Variants in TMEM196 observed in about 807,000 individuals in gnomAD.
The protein encoded by TMEM196 is transmembrane protein 196.
TMEM196 carries 17 observed loss-of-function variants against 20.0 expected under a neutral mutation model. That is an observed-to-expected ratio of 0.85 (90% confidence interval 0.58 to 1.27). TMEM196 has a LOEUF of 1.27. TMEM196 is among the 50% of genes most tolerant of loss of function. The pLI is 0.00. For synonymous variants in TMEM196, 113 were observed against 88.9 expected (o/e 1.27, Z -1.52); for missense variants, 267 against 223.0 (o/e 1.20, Z -1.26).
At chr7:19,748,285 A>AAC (rs1554299472) in intron 1 of TMEM196, among the ~76,000 whole-genome samples, 1,498 of 143,252 alleles carry the variant, frequency 0.01, 77 homozygotes, top group African/African-American at 0.042. Context: ...AAAAAAAAAA[A>AAC]AAAAAACAGT....
At chr7:19,759,164 A>T (rs912644818) in intron 1 of TMEM196, among the ~76,000 whole-genome samples, 2 of 152,044 alleles carry the variant, frequency 1.3e-5, no homozygotes, top group Non-Finnish European at 2.9e-5. Flanking sequence ...CAATGTCTAG[A>T]TTCTCAATTC....
At chr7:19,722,755 G>A (rs983464915) in intron 4 of TMEM196, among the ~76,000 whole-genome samples, 14 of 152,020 alleles carry the variant, frequency 9.2e-5, no homozygotes, top group African/African-American at 3.1e-4. Flanking sequence ...ATATAGAAAA[G>A]CACTGAAAAT....
At chr7:19,768,905 C>A (rs953549036) in intron 1 of TMEM196, among the ~76,000 whole-genome samples, 10 of 152,204 alleles carry the variant, frequency 6.6e-5, no homozygotes, top group African/African-American at 1.9e-4. Flanking sequence ...TATTTTTAAG[C>A]CATCTTTCAG....
intron 1 of TMEM196, among the ~76,000 whole-genome samples, chr7:19,736,213 T>G (rs926828217): frequency 6.6e-6 from 1 of 151,542 alleles, no homozygotes; most frequent in Non-Finnish European, 1.5e-5. Context: ...AAAATGCACA[T>G]AAAAAGCATT....
At chr7:19,724,234 TC>T (rs1783909619) in intron 4 of TMEM196, 45 bp downstream of exon 4, 1 of 1,510,878 alleles carries the variant, frequency 6.6e-7, no homozygotes, top group African/African-American at 1.4e-5. Context: ...GGAAGTGCTT[TC>T]TGCAGCGACA....
At chr7:19,723,124 G>C (rs558606168) in intron 4 of TMEM196, among the ~76,000 whole-genome samples, 14 of 152,018 alleles carry the variant, frequency 9.2e-5, no homozygotes, top group Non-Finnish European at 2.1e-4. Context: ...GATGTACATG[G>C]TGAAAGTCTC....
chr7:19,756,281 T>G (rs1785207605), intron 1 of TMEM196, among the ~76,000 whole-genome samples: 1 of 152,032 alleles, frequency 6.6e-6, no homozygotes, highest in East Asian at 1.9e-4. Context: ...TAAAACGACT[T>G]GAGACATTTT....
intron 1 of TMEM196, among the ~76,000 whole-genome samples, chr7:19,771,030 C>T (rs1007532317): frequency 3.9e-5 from 6 of 152,064 alleles, no homozygotes; most frequent in African/African-American, 1.2e-4. Flanking sequence ...CTCCCTCTTT[C>T]CCTAAATGTT....
chr7:19,768,144 C>T (rs547968805), intron 1 of TMEM196, among the ~76,000 whole-genome samples: 1 of 151,982 alleles, frequency 6.6e-6, no homozygotes, highest in South Asian at 2.1e-4. Flanking sequence ...AAATATGCTC[C>T]AGAAAAATAA....
At chr7:19,754,175 A>G (rs1158101690) in intron 1 of TMEM196, among the ~76,000 whole-genome samples, 1 of 152,090 alleles carries the variant, frequency 6.6e-6, no homozygotes, top group Non-Finnish European at 1.5e-5. Flanking sequence ...TTTCCTCTTT[A>G]CTGAGATGCA....
chr7:19,737,475 C>T (rs913067926), intron 1 of TMEM196, among the ~76,000 whole-genome samples: 2 of 151,874 alleles, frequency 1.3e-5, no homozygotes, highest in Non-Finnish European at 2.9e-5. Flanking sequence ...ATTTACCTAA[C>T]TAATTTGAAA....
intron 1 of TMEM196, among the ~76,000 whole-genome samples, chr7:19,733,916 CT>C (rs1173889124): frequency 1.3e-5 from 2 of 152,124 alleles, no homozygotes; most frequent in Non-Finnish European, 2.9e-5. Flanking sequence ...ACACTTTCTC[CT>C]TCAGCCCCAC....
intron 1 of TMEM196, among the ~76,000 whole-genome samples, chr7:19,737,073 A>G (rs1290430116): frequency 6.6e-6 from 1 of 152,046 alleles, no homozygotes; most frequent in Non-Finnish European, 1.5e-5. Context: ...ACCACTGTAG[A>G]AAAATATTGA....
At chr7:19,750,054 T>C (rs1784902722) in intron 1 of TMEM196, among the ~76,000 whole-genome samples, 1 of 152,210 alleles carries the variant, frequency 6.6e-6, no homozygotes, top group Admixed American at 6.5e-5. Flanking sequence ...GTCTACCCAT[T>C]GTCTACACAT....
At chr7:19,753,017 C>A (rs1432337649) in intron 1 of TMEM196, among the ~76,000 whole-genome samples, 1 of 152,176 alleles carries the variant, frequency 6.6e-6, no homozygotes, top group Non-Finnish European at 1.5e-5. Context: ...TACTGTGGAT[C>A]TTCTACAGCC....
chr7:19,756,610 A>C (rs999864183), intron 1 of TMEM196, among the ~76,000 whole-genome samples: 3 of 142,046 alleles, frequency 2.1e-5, no homozygotes, highest in African/African-American at 7.9e-5. Context: ...TAAGTGAGCT[A>C]ATGTCTTATT....
At chr7:19,760,027 A>G (rs1172728032) in intron 1 of TMEM196, among the ~76,000 whole-genome samples, 3 of 152,158 alleles carry the variant, frequency 2.0e-5, no homozygotes, top group African/African-American at 7.2e-5. Flanking sequence ...AATTACGGAA[A>G]AATCTAAATG....
chr7:19,758,113 A>T (rs1785290187), intron 1 of TMEM196, among the ~76,000 whole-genome samples: 1 of 152,154 alleles, frequency 6.6e-6, no homozygotes, highest in Non-Finnish European at 1.5e-5. Context: ...AAAGTTTTGA[A>T]TGTTCACTGC....
At chr7:19,730,202 G>A (rs1784151449) in intron 1 of TMEM196, among the ~76,000 whole-genome samples, 1 of 151,038 alleles carries the variant, frequency 6.6e-6, no homozygotes, top group African/African-American at 2.4e-5. Context: ...CTTGCAGTGA[G>A]CCAAGATCGC....
Sources: gnomAD v4.1 joint callset for allele counts (sites outside exome capture counted in the v4.1 genomes callset) on GRCh38, gnomAD v4.1.1 for gene constraint, MANE v1.5 for transcripts, NCBI Gene and HGNC (gene_info 2026-07-23, HGNC 2026-07-21) for gene names.